The following FAM107B variants were observed in gnomAD, a reference collection of about 807,000 sequenced individuals.
The protein encoded by FAM107B is protein FAM107B.
A neutral mutation model predicts 31.5 loss-of-function variants in FAM107B; 21 were observed. The ratio of observed to expected loss-of-function variants is 0.67; its 90% CI spans 0.47 to 0.96. FAM107B has a LOEUF of 0.96. Among genes scored for constraint, FAM107B ranks in the 40% least tolerant of loss-of-function variants. The pLI is 0.00. For missense variants in FAM107B, 452 were observed against 377.1 expected, an observed-to-expected ratio of 1.20 and a Z score of -1.64; for synonymous variants, 157 against 141.5, an observed-to-expected ratio of 1.11 and a Z score of -0.78.
At chr10:14,772,374 T>C (rs1382657928) in intron 1 of FAM107B, among the ~76,000 whole-genome samples, 2 of 150,848 alleles carry the variant, frequency 1.3e-5, no homozygotes, top group Non-Finnish European at 2.9e-5. Context: ...TATATATATA[T>C]ATATATGCAC....
intron 2 of FAM107B, among the ~76,000 whole-genome samples, chr10:14,563,922 A>G (rs1335077716): frequency 3.9e-5 from 6 of 152,208 alleles, no homozygotes; most frequent in Non-Finnish European, 8.8e-5. Context: ...TTAAAAAATC[A>G]CTAAAGAGAT....
At chr10:14,694,471 C>A (rs6602754) in intron 1 of FAM107B, among the ~76,000 whole-genome samples, 1 of 152,102 alleles carries the variant, frequency 6.6e-6, no homozygotes, top group Non-Finnish European at 1.5e-5. Flanking sequence ...GCAACCTCTG[C>A]CTCCTGGGTT....
intron 1 of FAM107B, among the ~76,000 whole-genome samples, chr10:14,758,680 C>T (rs911457573): frequency 2.0e-5 from 3 of 151,952 alleles, no homozygotes; most frequent in Non-Finnish European, 4.4e-5. Flanking sequence ...AATAGGCCAG[C>T]CCCTGAGAAA....
chr10:14,673,340 A>T (rs1381015452), intron 1 of FAM107B, among the ~76,000 whole-genome samples: 1 of 152,064 alleles, frequency 6.6e-6, no homozygotes. Context: ...CTCCACTTCC[A>T]TGATACCAAC....
At chr10:14,562,053 T>C (rs1323657906) in intron 2 of FAM107B, among the ~76,000 whole-genome samples, 1 of 152,184 alleles carries the variant, frequency 6.6e-6, no homozygotes, top group Non-Finnish European at 1.5e-5. Flanking sequence ...CCCAAAGTGG[T>C]AGGATTACAG....
At chr10:14,713,180 C>G (rs1855701319) in intron 1 of FAM107B, among the ~76,000 whole-genome samples, 2 of 152,164 alleles carry the variant, frequency 1.3e-5, no homozygotes, top group South Asian at 4.1e-4. Flanking sequence ...ATGTTACCTC[C>G]CTCAACAATG....
At chr10:14,746,744 A>G (rs1248763379) in intron 1 of FAM107B, among the ~76,000 whole-genome samples, 1 of 151,984 alleles carries the variant, frequency 6.6e-6, no homozygotes, top group Non-Finnish European at 1.5e-5. Flanking sequence ...TTTCATATCA[A>G]CCTTGGAGAA....
At chr10:14,546,600 C>T (rs1848718447) in intron 2 of FAM107B, among the ~76,000 whole-genome samples, 1 of 152,154 alleles carries the variant, frequency 6.6e-6, no homozygotes, top group Non-Finnish European at 1.5e-5. Context: ...TTAAAATTTG[C>T]ATTATTACCA....
At chr10:14,551,066 A>C (rs1849217385) in intron 2 of FAM107B, among the ~76,000 whole-genome samples, 1 of 152,260 alleles carries the variant, frequency 6.6e-6, no homozygotes. Flanking sequence ...AAGTACTTAA[A>C]AATGTAGCAC....
At chr10:14,767,020 G>GTATATATATATATATATATATATATA (rs1554757965) in intron 1 of FAM107B, among the ~76,000 whole-genome samples, 1 of 30,414 alleles carries the variant, frequency 3.3e-5, no homozygotes, top group Admixed American at 5.7e-4. Flanking sequence ...TCCCTGATGT[G>GTATATATATATATATATATATATATA]TATGTATATA....
At chr10:14,749,716 C>A (rs12414102) in intron 1 of FAM107B, among the ~76,000 whole-genome samples, 4,792 of 152,246 alleles carry the variant, frequency 0.031, 102 homozygotes, top group Admixed American at 0.06. Flanking sequence ...CCTCTTCCAT[C>A]CCAGGGAGCA....
intron 2 of FAM107B, among the ~76,000 whole-genome samples, chr10:14,646,502 T>C (rs1253000555): frequency 6.6e-6 from 1 of 152,164 alleles, no homozygotes; most frequent in Non-Finnish European, 1.5e-5. Context: ...CCAAAAGACA[T>C]TTATTCTTTT....
intron 2 of FAM107B, among the ~76,000 whole-genome samples, chr10:14,550,101 T>C (rs1849116531): frequency 6.6e-6 from 1 of 152,206 alleles, no homozygotes; most frequent in African/African-American, 2.4e-5. Context: ...CACTTCATTT[T>C]AGTGATGAGG....
At position 14,520,587 on chromosome 10, in the gene FAM107B, T is replaced by C. The variant is rs1445407852; in HGVS notation, c.*603A>G. ...AAATCAAGATGGGCTTTTAAACTTC[T>C]CACCCTATTTCTAAATTAAGTGCCA... On this transcript the variant is annotated 3_prime_UTR_variant, in exon 5 of 5. Transcript: ENST00000181796. 1 of 152,240 alleles carries C rather than the reference T, an allele frequency of 6.6e-6. No individual in the cohort carries two copies. Among genetic ancestry groups the C allele is most frequent in the Non-Finnish European group, 1.5e-5 (1 of 68,044 alleles). 9.4% of individuals were successfully genotyped at this position (152,240 alleles called of 1,614,324 possible). A position where few individuals can be genotyped will look rare whatever the true frequency, so the allele number is the denominator to read the frequency against.
intron 2 of FAM107B, among the ~76,000 whole-genome samples, chr10:14,627,425 C>T (rs889556327): frequency 6.6e-6 from 1 of 152,096 alleles, no homozygotes; most frequent in Non-Finnish European, 1.5e-5. Context: ...TAAAATCATG[C>T]AAATATCTGT....
At chr10:14,736,415 T>G (rs985569480) in intron 1 of FAM107B, among the ~76,000 whole-genome samples, 1 of 152,206 alleles carries the variant, frequency 6.6e-6, no homozygotes, top group African/African-American at 2.4e-5. Context: ...TTTGAGTAGT[T>G]CGCCTCAATC....
At chr10:14,650,746 C>T (rs1853877572) in intron 2 of FAM107B, among the ~76,000 whole-genome samples, 1 of 152,210 alleles carries the variant, frequency 6.6e-6, no homozygotes, top group South Asian at 2.1e-4. Flanking sequence ...CTTCTTTCTA[C>T]ACAGCATTAA....
At chr10:14,669,418 G>A (rs1032457275) in intron 1 of FAM107B, among the ~76,000 whole-genome samples, 6 of 148,940 alleles carry the variant, frequency 4.0e-5, no homozygotes, top group South Asian at 2.1e-4. Context: ...AAGGAAATCA[G>A]TATATCAAAG....
At chr10:14,673,743 G>C (rs1002706463) in intron 1 of FAM107B, among the ~76,000 whole-genome samples, 5 of 152,100 alleles carry the variant, frequency 3.3e-5, no homozygotes, top group Admixed American at 3.3e-4. Flanking sequence ...TACTGTAGGA[G>C]TTCCCCTTTC....
Sources: gnomAD v4.1 joint callset for allele counts (sites outside exome capture counted in the v4.1 genomes callset) on GRCh38, gnomAD v4.1.1 for gene constraint, MANE v1.5 for transcripts, NCBI Gene and HGNC (gene_info 2026-07-23, HGNC 2026-07-21) for gene names.